The following CACHD1 variants were observed in gnomAD, a reference collection of about 807,000 sequenced individuals.
CACHD1 encodes cache domain containing 1.
Under a neutral mutation model 138.7 loss-of-function variants are expected in CACHD1, and 71 were observed. The observed-to-expected ratio is 0.51, with a 90% confidence interval of 0.42 to 0.62. The LOEUF is 0.62. Among genes scored for constraint, CACHD1 ranks in the 20% least tolerant of loss-of-function variants. The probability of loss-of-function intolerance (pLI) is 0.00; values close to 1 mark genes in which losing one functional copy is unlikely to be tolerated. For synonymous variants in CACHD1, 578 were observed against 591.5 expected (o/e 0.98, Z 0.33); for missense variants, 1,389 against 1,625.3 (o/e 0.85, Z 2.50).
chr1:64,634,281 G>A (rs753829209), intron 7 of CACHD1, 21 bp downstream of exon 7: 5 of 1,586,764 alleles, frequency 3.2e-6, no homozygotes, highest in East Asian at 4.5e-5. Flanking sequence ...TCTCTCAGAG[G>A]ACTTAGAGGC....
Position 64,470,999 on chromosome 1 carries a change from A to G in CACHD1, c.198+57A>G, listed in dbSNP as rs1186158269. 21 of 1,494,988 alleles carry G rather than the reference A, an allele frequency of 1.4e-5. No individual in the cohort carries two copies. Among genetic ancestry groups the G allele is most frequent in the East Asian group, 2.4e-5 (1 of 41,428 alleles). 92.6% of individuals were successfully genotyped at this position (1,494,988 alleles called of 1,614,324 possible). ...GCCTTTCTCCTTTGCTCAAACTCCCATCCCACTCCCGGTACAAGTCCCCTG... is the reference window on the plus strand; with the variant it reads ...GCCTTTCTCCTTTGCTCAAACTCCCGTCCCACTCCCGGTACAAGTCCCCTG... On this transcript the variant is annotated intron_variant, in intron 1 of 26. Transcript: ENST00000651257. The surrounding 1 kb of genome is among the most constrained non-coding windows in gnomAD (Gnocchi z 5.2).
At chr1:64,622,566 T>C (rs1239374337) in intron 4 of CACHD1, among the ~76,000 whole-genome samples, 2 of 152,360 alleles carry the variant, frequency 1.3e-5, no homozygotes, top group Admixed American at 1.3e-4. Context: ...TTTATATATT[T>C]ATTCTGCCTC....
chr1:64,506,029 C>G (rs917180720), intron 1 of CACHD1: 3 of 152,566 alleles, frequency 2.0e-5, no homozygotes, highest in African/African-American at 7.2e-5. Context: ...CTGCCTTGGC[C>G]TGCATTTTAT....
intron 22 of CACHD1, among the ~76,000 whole-genome samples, 162 bp downstream of exon 22, chr1:64,677,173 AT>A (rs1257766902): frequency 5.9e-5 from 9 of 152,132 alleles, no homozygotes; most frequent in African/African-American, 1.9e-4. Flanking sequence ...TATTACCCGT[AT>A]TTAGCGTGTG....
intron 4 of CACHD1, among the ~76,000 whole-genome samples, chr1:64,620,917 G>A (rs1416763495): frequency 6.6e-6 from 1 of 152,110 alleles, no homozygotes; most frequent in Admixed American, 6.6e-5. Flanking sequence ...GGTTGGAGGA[G>A]GAATGGCCCT....
chr1:64,664,322 T>C (rs1289493951), intron 14 of CACHD1, 176 bp from the exon 15 acceptor site: 2 of 616,016 alleles, frequency 3.2e-6, no homozygotes, highest in Non-Finnish European at 5.7e-6. Context: ...CTGACTGTAT[T>C]TCTGCAAGCT....
intron 2 of CACHD1, chr1:64,563,641 A>G (rs1557495053): frequency 6.6e-6 from 1 of 152,178 alleles, no homozygotes; most frequent in Non-Finnish European, 1.5e-5. Flanking sequence ...AGTCCTAACT[A>G]AGGTGATGTT....
intron 1 of CACHD1, among the ~76,000 whole-genome samples, chr1:64,524,865 T>C (rs1348354502): frequency 1.3e-5 from 2 of 152,190 alleles, no homozygotes; most frequent in South Asian, 4.1e-4. Context: ...GAATATTGCT[T>C]TTTTTCCTCC....
chr1:64,634,299 A>T (rs757992927), intron 7 of CACHD1, 39 bp downstream of exon 7: 1 of 1,417,804 alleles, frequency 7.1e-7, no homozygotes, highest in South Asian at 1.2e-5. Context: ...GGCATAGTAG[A>T]TAAAGATGGC....
At chr1:64,570,057 T>A (rs2100508315) in intron 2 of CACHD1, among the ~76,000 whole-genome samples, 1 of 152,078 alleles carries the variant, frequency 6.6e-6, no homozygotes, top group Middle Eastern at 3.4e-3. Context: ...CACTGAAAAA[T>A]AAAATAACCT....
intron 2 of CACHD1, among the ~76,000 whole-genome samples, chr1:64,566,281 C>T (rs982061987): frequency 3.3e-5 from 5 of 152,140 alleles, no homozygotes; most frequent in Non-Finnish European, 7.3e-5. Context: ...AAACTTTGTC[C>T]ATGTAGTATA....
intron 7 of CACHD1, among the ~76,000 whole-genome samples, chr1:64,641,278 C>G (rs1247444406): frequency 3.9e-5 from 6 of 152,124 alleles, no homozygotes; most frequent in Non-Finnish European, 8.8e-5. Context: ...ACACAGTTAC[C>G]TGGCTTCTAA....
chr1:64,496,749 T>G (rs1646308282), intron 1 of CACHD1, among the ~76,000 whole-genome samples: 1 of 151,824 alleles, frequency 6.6e-6, no homozygotes. Context: ...AAGCTTTATT[T>G]ATGGGTCAAT....
intron 1 of CACHD1, among the ~76,000 whole-genome samples, chr1:64,494,782 G>C (rs1297300616): frequency 1.3e-5 from 2 of 152,250 alleles, no homozygotes; most frequent in African/African-American, 2.4e-5. Flanking sequence ...TATGTGCCAG[G>C]CATTATGCTA....
At chr1:64,623,144 G>A (rs1647975402) in intron 4 of CACHD1, among the ~76,000 whole-genome samples, 2 of 152,116 alleles carry the variant, frequency 1.3e-5, no homozygotes, top group South Asian at 4.1e-4. Context: ...GCTCATGCCT[G>A]TAATCCCAAC....
intron 1 of CACHD1, among the ~76,000 whole-genome samples, chr1:64,543,402 C>CATACATAT (rs1553131373): frequency 1.6e-5 from 2 of 126,886 alleles, no homozygotes; most frequent in African/African-American, 6.5e-5. Context: ...AAAAAAAATA[C>CATACATAT]ATATATATAT....
chr1:64,470,837 G>A lies in CACHD1; in HGVS notation c.93G>A (p.Leu31=). The change falls in exon 1 of 27, where the codon CTG becomes CTA. Residue 31 remains leucine, a synonymous_variant. Transcript: ENST00000651257. This position sits in a 1 kb window ranked among gnomAD's most constrained non-coding sequence, Gnocchi z 5.2. ...TCTGCCTGGTCGCGTGCTGGCTCCT[G>A]GGCGCCGGGGCCGAAGCCGACTTCT... The part of the protein sequence containing the change: ...WLLCLVACWL[L]GAGAEADFSI... 1 of 1,565,954 alleles carries A rather than the reference G, an allele frequency of 6.4e-7. No homozygotes were observed. Among genetic ancestry groups the A allele is most frequent in the Non-Finnish European group, 8.6e-7 (1 of 1,156,868 alleles).
At chr1:64,505,339 CTTA>C (rs1646363849) in intron 1 of CACHD1, among the ~76,000 whole-genome samples, 1 of 151,356 alleles carries the variant, frequency 6.6e-6, no homozygotes, top group Non-Finnish European at 1.5e-5. Context: ...TGGCTGTCTC[CTTA>C]TTGCTCGTCT....
intron 1 of CACHD1, among the ~76,000 whole-genome samples, chr1:64,534,344 A>G (rs146405445): frequency 0.053 from 8,008 of 152,166 alleles, 271 homozygotes; most frequent in Non-Finnish European, 0.078. Context: ...GCGCCCGGCC[A>G]TCTTTTTCTT....
Sources: gnomAD v4.1 joint callset for allele counts (sites outside exome capture counted in the v4.1 genomes callset) on GRCh38, gnomAD v4.1.1 for gene constraint, Gnocchi (gnomAD v3.1) non-coding constraint, MANE v1.5 for transcripts, NCBI Gene and HGNC (gene_info 2026-07-23, HGNC 2026-07-21) for gene names.